The following GSDMC variants were observed in gnomAD, a reference collection of about 807,000 sequenced individuals.
GSDMC encodes the protein gasdermin-C.
A neutral mutation model predicts 58.0 loss-of-function variants in GSDMC; 59 were observed. The observed-to-expected ratio is 1.02, with a 90% CI of 0.82 to 1.26. GSDMC has a LOEUF of 1.26. Among genes scored for constraint, GSDMC ranks in the 50% most tolerant of loss-of-function variants. The pLI, the probability that GSDMC is intolerant of heterozygous loss-of-function variation, is 0.00. For synonymous variants in GSDMC, 241 were observed against 220.2 expected, an observed-to-expected ratio of 1.09 and a Z score of -0.83; for missense variants, 659 against 598.5, an observed-to-expected ratio of 1.10 and a Z score of -1.06.
chr8:129,776,922 T>G (rs901722314), intron 2 of GSDMC, among the ~76,000 whole-genome samples: 1 of 114,698 alleles, frequency 8.7e-6, no homozygotes, highest in African/African-American at 3.9e-5. Flanking sequence ...CACCCATGCC[T>G]GGATAATTTT....
chr8:129,767,247 C>T (rs2033893361), intron 3 of GSDMC, among the ~76,000 whole-genome samples: 2 of 152,056 alleles, frequency 1.3e-5, no homozygotes, highest in South Asian at 4.1e-4. Flanking sequence ...GGATCCTCCA[C>T]AACAACTCTG....
chr8:129,759,756 G>T (rs531377682), intron 6 of GSDMC, among the ~76,000 whole-genome samples: 23 of 152,124 alleles, frequency 1.5e-4, no homozygotes, highest in Non-Finnish European at 2.8e-4. Flanking sequence ...CTCATATGCC[G>T]TTGATGGGAA....
At position 129,752,110 on chromosome 8, in the gene GSDMC, C is replaced by G. The variant is rs751300382; in HGVS notation, c.882G>C (p.Leu294Phe). 2 of 1,612,896 alleles carry G rather than the reference C, an allele frequency of 1.2e-6. No homozygotes were observed. Among genetic ancestry groups the G allele is most frequent in the African/African-American group, 2.7e-5 (2 of 74,888 alleles). ...FLTQQFLSGHLPKYEQVHILP... is the reference protein window; with the variant it reads ...FLTQQFLSGHFPKYEQVHILP... ...GGAGGGCCAGATTCCACTCACTTGGCAAATGCCCGCTCAAAAATTGCTGTG... is the reference window on the plus strand; with the variant it reads ...GGAGGGCCAGATTCCACTCACTTGGGAAATGCCCGCTCAAAAATTGCTGTG... Residue 294 changes from leucine to phenylalanine, a missense_variant, in exon 8 of 14, where the codon TTG becomes TTC. Transcript: ENST00000276708.
chr8:129,752,443 A>G (rs1254989685), intron 7 of GSDMC, among the ~76,000 whole-genome samples: 2 of 152,144 alleles, frequency 1.3e-5, no homozygotes, highest in African/African-American at 4.8e-5. Flanking sequence ...ATGGAGGAGC[A>G]TGACTGGGGG....
intron 11 of GSDMC, 122 bp downstream of exon 11, chr8:129,750,309 G>C (rs1174147751): frequency 1.0e-5 from 12 of 1,156,970 alleles, no homozygotes; most frequent in Non-Finnish European, 1.3e-5. Context: ...AGAGTCCCCA[G>C]TCTTTCTCAT....
intron 3 of GSDMC, among the ~76,000 whole-genome samples, chr8:129,770,923 G>T (rs2034025307): frequency 6.6e-6 from 1 of 151,548 alleles, no homozygotes; most frequent in Admixed American, 6.6e-5. Context: ...AGGCTGAAAG[G>T]AAAGAGATGG....
At chr8:129,741,050 T>C in the GSDMC span, among the ~76,000 whole-genome samples, 1 of 152,130 alleles carries the variant, frequency 6.6e-6, no homozygotes, top group Non-Finnish European at 1.5e-5. Context: ...CCAATTTTAT[T>C]CTTCTGAATG....
chr8:129,731,458 G>A, the GSDMC span, among the ~76,000 whole-genome samples: 1 of 152,130 alleles, frequency 6.6e-6, no homozygotes, highest in Non-Finnish European at 1.5e-5. Flanking sequence ...GTTTGTGTTT[G>A]TCAAGGTTCT....
the GSDMC span, among the ~76,000 whole-genome samples, chr8:129,741,915 A>AACAT: frequency 7.9e-6 from 1 of 126,272 alleles, no homozygotes; most frequent in African/African-American, 3.6e-5. Context: ...AAGAAAATGT[A>AACAT]ATATATATAT....
chr8:129,766,740 C>G (rs563984160), intron 3 of GSDMC, among the ~76,000 whole-genome samples: 250 of 152,280 alleles, frequency 1.6e-3, no homozygotes, highest in Non-Finnish European at 1.7e-3. Flanking sequence ...ACCCCTCCCC[C>G]AGGCGCCACC....
At chr8:129,772,117 C>T (rs1419259504) in intron 3 of GSDMC, among the ~76,000 whole-genome samples, 1 of 151,730 alleles carries the variant, frequency 6.6e-6, no homozygotes, top group Non-Finnish European at 1.5e-5. Context: ...ACAAAAAATT[C>T]GGGCATGGTG....
At chr8:129,747,464 A>G (rs1230334703), downstream of GSDMC, among the ~76,000 whole-genome samples, 3 of 152,140 alleles carry the variant, frequency 2.0e-5, no homozygotes, top group African/African-American at 7.2e-5. Context: ...AGCAATAGGG[A>G]TTACTGGAAT....
chr8:129,752,099 C>T lies in GSDMC; in HGVS notation c.886+7G>A. ...GTCCTGGAAGGGGAGGGCCAGATTC[C>T]ACTCACTTGGCAAATGCCCGCTCAA... is the stretch of plus-strand genomic sequence containing the variant. On this transcript the variant is annotated splice_region_variant and intron_variant, in intron 8 of 13. Transcript: ENST00000276708. 1 of 1,611,248 alleles carries T rather than the reference C, an allele frequency of 6.2e-7. No individual in the cohort carries two copies. The highest frequency in any genetic ancestry group is 8.5e-7 in the Non-Finnish European group (1 of 1,177,382).
chr8:129,733,023 C>T, the GSDMC span, among the ~76,000 whole-genome samples: 1 of 152,362 alleles, frequency 6.6e-6, no homozygotes, highest in African/African-American at 2.4e-5. Flanking sequence ...GCATGTGGCT[C>T]AGCAGGTCCC....
intron 6 of GSDMC, among the ~76,000 whole-genome samples, chr8:129,754,991 A>C (rs1436798677): frequency 1.3e-5 from 2 of 152,328 alleles, no homozygotes; most frequent in South Asian, 2.1e-4. Flanking sequence ...CAGAAAGACA[A>C]ATCTAAAAGT....
intron 1 of GSDMC, among the ~76,000 whole-genome samples, chr8:129,781,769 C>G (rs1285751420): frequency 5.4e-5 from 8 of 147,482 alleles, no homozygotes; most frequent in Admixed American, 2.0e-4. Context: ...AAAAAAATAG[C>G]TAGAGACTTC....
chr8:129,720,603 C>T, the GSDMC span, among the ~76,000 whole-genome samples: 2 of 152,034 alleles, frequency 1.3e-5, no homozygotes, highest in East Asian at 3.9e-4. Context: ...CACCTGTGTA[C>T]AAATAGTATC....
At chr8:129,736,905 C>A in the GSDMC span, among the ~76,000 whole-genome samples, 1 of 152,254 alleles carries the variant, frequency 6.6e-6, no homozygotes, top group Middle Eastern at 3.4e-3. Flanking sequence ...CATCTTAGCC[C>A]AAAATCTCCT....
chr8:129,729,940 G>T, the GSDMC span: 5 of 1,497,900 alleles, frequency 3.3e-6, no homozygotes, highest in East Asian at 9.0e-5. Context: ...AACACTAAGC[G>T]AGCCAGTGGA....
Sources: gnomAD v4.1 joint callset for allele counts (sites outside exome capture counted in the v4.1 genomes callset) on GRCh38, gnomAD v4.1.1 for gene constraint, MANE v1.5 for transcripts, NCBI Gene and HGNC (gene_info 2026-07-23, HGNC 2026-07-21) for gene names.